GBP7: variants seen among roughly 807,000 people sequenced by gnomAD.
GBP7 encodes guanylate-binding protein 7.
GBP7 carries 43 observed loss-of-function variants against 61.3 expected under a neutral mutation model. That is an observed-to-expected ratio of 0.70 (90% CI 0.55 to 0.91). The LOEUF is 0.91. GBP7 is among the 40% of genes least tolerant of loss of function. The probability of loss-of-function intolerance (pLI) is 0.00; values close to 1 mark genes in which losing one functional copy is unlikely to be tolerated. For synonymous variants in GBP7, 267 were observed against 271.0 expected (o/e 0.99, Z 0.14); for missense variants, 717 against 740.5 (o/e 0.97, Z 0.37).
In GBP7 at chr1:89,147,810, A is replaced by C. The variant is rs762269783; in HGVS notation, c.1153-31T>G. On this transcript the variant is annotated intron_variant, in intron 7 of 10. Coordinates refer to ENST00000294671, the MANE Select transcript of GBP7 (RefSeq NM_207398.3). ...AGAAAAGTGTAGGGAAAAACAGTAGAAAGAAGCTGTTAGAAGGGAAGGTCC... is the reference window on the plus strand; with the variant it reads ...AGAAAAGTGTAGGGAAAAACAGTAGCAAGAAGCTGTTAGAAGGGAAGGTCC... 10 of 1,609,222 alleles carry C rather than the reference A, an allele frequency of 6.2e-6. No homozygotes were observed. The African/African-American group carries it at 9.4e-5, about 15-fold the overall frequency.
At chr1:89,155,998 T>C (rs969930457) in intron 3 of GBP7, among the ~76,000 whole-genome samples, 2 of 152,308 alleles carry the variant, frequency 1.3e-5, no homozygotes, top group South Asian at 2.1e-4. Context: ...ATCAGACTAA[T>C]AGCAGATCTC....
In GBP7 at chr1:89,149,341, A is replaced by G. The variant is rs201056728; in HGVS notation, c.1103T>C (p.Met368Thr). 2.5e-6 allele frequency: 4 copies of G among 1,614,014 alleles called. No homozygotes were observed. In the South Asian group the frequency reaches 3.3e-5, roughly 13 times the overall value. The change falls in exon 7 of 11, where the codon ATG (methionine) becomes ACG (threonine). Residue 368 changes from methionine to threonine, a missense_variant. Transcript: ENST00000294671. Reference sequence around the variant, plus strand: ...GCTTTTATCTTTGAAGGAGTACTCCATGAAGACTGCAATGGCTTCCCTCTC... The same window carrying G: ...GCTTTTATCTTTGAAGGAGTACTCCGTGAAGACTGCAATGGCTTCCCTCTC... The part of the protein sequence containing the change: ...VCEREAIAVF[M>T]EYSFKDKSQE...
chr1:89,172,660 C>T (rs1647636555), intron 1 of GBP7, among the ~76,000 whole-genome samples: 1 of 152,080 alleles, frequency 6.6e-6, no homozygotes, highest in Non-Finnish European at 1.5e-5. Context: ...GTGCTTGCTG[C>T]CAGATTTCGC....
intron 3 of GBP7, among the ~76,000 whole-genome samples, chr1:89,164,269 G>A (rs1459421234): frequency 1.3e-5 from 2 of 152,140 alleles, no homozygotes; most frequent in African/African-American, 4.8e-5. Context: ...ACCTTAACTA[G>A]TAGCACCCAT....
chr1:89,146,673 A>G (rs1293295719), intron 8 of GBP7, among the ~76,000 whole-genome samples: 1 of 152,224 alleles, frequency 6.6e-6, no homozygotes, highest in African/African-American at 2.4e-5. Flanking sequence ...TTAAATGGCC[A>G]TCAAGTATGT....
chr1:89,164,706 A>C, intron 3 of GBP7, 25 bp downstream of exon 3: 1 of 1,609,902 alleles, frequency 6.2e-7, no homozygotes, highest in Non-Finnish European at 8.5e-7. Flanking sequence ...AAGGTAAAGA[A>C]GATTTCTCTA....
At position 89,141,622 on chromosome 1, in the gene GBP7, C is replaced by A; in HGVS notation, c.1392G>T (p.Leu464=). The stretch of plus-strand genomic sequence containing the variant: ...ATTCCTCTATAACCACCTGTGACTG[C>A]AGGAAGCTCTGGAGGACCTCGTCTG... The part of the protein sequence containing the change: ...VKADEVLQSF[L]QSQVVIEESI... Residue 464 remains leucine, a synonymous_variant, in exon 9 of 11, where the codon CTG becomes CTT. Coordinates refer to ENST00000294671, the MANE Select transcript of GBP7 (RefSeq NM_207398.3). 2 of 1,613,802 alleles carry A rather than the reference C, an allele frequency of 1.2e-6. No individual in the cohort carries two copies. The highest frequency in any genetic ancestry group is 1.3e-5 in the African/African-American group (1 of 75,010).
chr1:89,168,781 AAAC>A (rs34186424), intron 2 of GBP7, among the ~76,000 whole-genome samples: 2,968 of 150,162 alleles, frequency 0.02, 125 homozygotes, highest in East Asian at 0.14. Context: ...CTAAAAATAC[AAAC>A]AACAACAACA....
chr1:89,152,114 C>G (rs1682214868), intron 5 of GBP7, among the ~76,000 whole-genome samples, 154 bp downstream of exon 5: 1 of 151,984 alleles, frequency 6.6e-6, no homozygotes, highest in Non-Finnish European at 1.5e-5. Flanking sequence ...CAAAAATAAC[C>G]ACAAAAATCA....
Position 89,132,338 on chromosome 1 carries a change from AT to A in GBP7, c.1727del (p.Asn576IlefsTer3). 1 of 1,612,300 alleles carries A rather than the reference AT, an allele frequency of 6.2e-7. No individual in the cohort carries two copies. Among genetic ancestry groups the A allele is most frequent in the Non-Finnish European group, 8.5e-7 (1 of 1,178,450 alleles). ...CTGCTTCAATTTGTTCTTTCAGTCGATTAATCTCTTCATTTAACGACTCAAA... is the reference window on the plus strand; with the variant it reads ...CTGCTTCAATTTGTTCTTTCAGTCGATAATCTCTTCATTTAACGACTCAAA... ...EIFESLNEEI[N>X]RLKEQIEAAE... is the part of the protein sequence containing the mutation. On this transcript the variant is annotated frameshift_variant, in exon 11 of 11. Coordinates refer to ENST00000294671, the MANE Select transcript of GBP7 (RefSeq NM_207398.3). LOFTEE classifies it low-confidence loss of function (END_TRUNC).
chr1:89,164,936 G>A, intron 2 of GBP7, 78 bp from the exon 3 acceptor site: 1 of 1,438,594 alleles, frequency 7.0e-7, no homozygotes. Flanking sequence ...TAAATGTATA[G>A]GAACGTTAAG....
Position 89,171,899 on chromosome 1 carries a change from G to A in GBP7, c.37C>T (p.Leu13Phe). Residue 13 changes from leucine to phenylalanine, a missense_variant, in exon 2 of 11, where the codon CTC becomes TTC. Coordinates refer to ENST00000294671, the MANE Select transcript of GBP7 (RefSeq NM_207398.3). ...AGATGCCCTTTAGTGTTCTCAGTGA[G>A]GCACACTGGGCCTGGCATGTGGATC... ...SEIHMPGPVC[L>F]TENTKGHLVV... 1.2e-6 allele frequency: 2 copies of A among 1,613,296 alleles called. No individual in the cohort carries two copies. Among genetic ancestry groups the A allele is most frequent in the South Asian group, 2.2e-5 (2 of 91,018 alleles).
intron 3 of GBP7, among the ~76,000 whole-genome samples, chr1:89,164,446 T>A (rs540304919): frequency 3.3e-4 from 50 of 152,354 alleles, no homozygotes; most frequent in African/African-American, 1.2e-3. Context: ...GCTTTGAAAT[T>A]CAGGATTCTT....
intron 9 of GBP7, among the ~76,000 whole-genome samples, chr1:89,133,720 TG>T (rs1486965931): frequency 6.6e-6 from 1 of 152,150 alleles, no homozygotes; most frequent in Non-Finnish European, 1.5e-5. Flanking sequence ...GAGCAGCTCC[TG>T]GGGAAGGGGT....
At position 89,141,535 on chromosome 1, in the gene GBP7, T is replaced by C. The variant is rs370973282; in HGVS notation, c.1468+11A>G. 4.3e-6 allele frequency: 7 copies of C among 1,612,028 alleles called. No homozygotes were observed. In the African/African-American group the frequency reaches 9.3e-5, roughly 22 times the overall value. On this transcript the variant is annotated intron_variant, in intron 9 of 10. Transcript: ENST00000294671. The stretch of plus-strand genomic sequence containing the variant: ...ACCCATTTGCCTGAGAGCTGAGCCC[T>C]GCCCCTGTACCTGCTATGGCCTTCT...
At chr1:89,133,194 G>T in intron 10 of GBP7, 64 bp downstream of exon 10, 7 of 1,230,850 alleles carry the variant, frequency 5.7e-6, no homozygotes, top group South Asian at 4.2e-5. Context: ...TAAAATTTTG[G>T]CTCTTCCCTA....
intron 9 of GBP7, among the ~76,000 whole-genome samples, chr1:89,134,011 G>T (rs151128821): frequency 1.1e-3 from 165 of 152,274 alleles, no homozygotes; most frequent in African/African-American, 3.8e-3. Flanking sequence ...GGGCTATCTT[G>T]CCTGTGGGAC....
chr1:89,139,946 A>G (rs1489823959), intron 9 of GBP7, among the ~76,000 whole-genome samples: 2 of 152,174 alleles, frequency 1.3e-5, no homozygotes, highest in Admixed American at 6.5e-5. Flanking sequence ...TACTGGGTAT[A>G]TACCCAAAGG....
chr1:89,167,673 A>G (rs1647481863), intron 2 of GBP7, among the ~76,000 whole-genome samples: 1 of 152,224 alleles, frequency 6.6e-6, no homozygotes, highest in Non-Finnish European at 1.5e-5. Flanking sequence ...TAAACTGGCC[A>G]TGGATGGGCA....
Sources: gnomAD v4.1 joint callset for allele counts (sites outside exome capture counted in the v4.1 genomes callset) on GRCh38, gnomAD v4.1.1 for gene constraint, MANE v1.5 for transcripts, NCBI Gene and HGNC (gene_info 2026-07-23, HGNC 2026-07-21) for gene names.